IRAK2: variants seen among roughly 807,000 people sequenced by gnomAD.
IRAK2 encodes the protein interleukin 1 receptor associated kinase 2.
IRAK2 carries 57 observed loss-of-function variants against 72.0 expected under a neutral mutation model. The observed-to-expected ratio is 0.79, with a 90% confidence interval of 0.64 to 0.99. The LOEUF is 0.99. IRAK2 is among the 50% of genes least tolerant of loss of function. The probability of loss-of-function intolerance (pLI) is 0.00; values close to 1 mark genes in which losing one functional copy is unlikely to be tolerated. For synonymous variants in IRAK2, 293 were observed against 312.7 expected, an observed-to-expected ratio of 0.94 and a Z score of 0.67; for missense variants, 790 against 794.4, an observed-to-expected ratio of 0.99 and a Z score of 0.07.
intron 2 of IRAK2, among the ~76,000 whole-genome samples, chr3:10,190,723 G>A (rs1697161899): frequency 6.6e-6 from 1 of 152,110 alleles, no homozygotes; most frequent in Non-Finnish European, 1.5e-5. Flanking sequence ...GCAAGTTTTG[G>A]ACACATACTC....
At chr3:10,223,203 C>A (rs777268771) in intron 9 of IRAK2, among the ~76,000 whole-genome samples, 2 of 152,172 alleles carry the variant, frequency 1.3e-5, no homozygotes, top group Non-Finnish European at 2.9e-5. Context: ...CCTCTCCTGA[C>A]TTCCGTAATT....
chr3:10,208,153 C>T (rs1182065224), intron 3 of IRAK2, among the ~76,000 whole-genome samples: 4 of 151,694 alleles, frequency 2.6e-5, no homozygotes, highest in Non-Finnish European at 5.9e-5. Context: ...GGCTGGTCCG[C>T]ACAGAAGCAG....
intron 1 of IRAK2, among the ~76,000 whole-genome samples, chr3:10,176,068 T>G (rs917136007): frequency 8.6e-5 from 11 of 127,560 alleles, no homozygotes; most frequent in African/African-American, 4.2e-4. Context: ...TGTCCATGTT[T>G]TTTTTTTTTT....
At chr3:10,186,934 G>C (rs371504687) in intron 2 of IRAK2, among the ~76,000 whole-genome samples, 1 of 150,450 alleles carries the variant, frequency 6.6e-6, no homozygotes, top group Non-Finnish European at 1.5e-5. Context: ...CAAGTAGCTA[G>C]GACTATAAGT....
intron 4 of IRAK2, among the ~76,000 whole-genome samples, chr3:10,211,299 G>A (rs1328972571): frequency 1.3e-5 from 2 of 149,552 alleles, no homozygotes; most frequent in Admixed American, 6.7e-5. Context: ...GTGCCACCAC[G>A]CCTGGCTAAT....
At chr3:10,241,801 C>CAAA (rs4019566) in intron 12 of IRAK2, among the ~76,000 whole-genome samples, 19 of 83,140 alleles carry the variant, frequency 2.3e-4, no homozygotes, top group South Asian at 4.4e-4. Context: ...GACTCCATCT[C>CAAA]AAAAAAAAAA....
Position 10,238,675 on chromosome 3 carries a change from G to A in IRAK2, c.1474-73G>A. 2.8e-6 allele frequency: 4 copies of A among 1,443,964 alleles called. No homozygotes were observed. The East Asian group carries it at 6.8e-5, about 25-fold the overall frequency. The allele number at this position is 1,443,964 out of a possible 1,614,324, so 89.4% of individuals were successfully genotyped here. A position where few individuals can be genotyped will look rare whatever the true frequency, so the allele number is the denominator to read the frequency against. ...GTCTGCTCCCCGCCCCCTCTCTGCTGGGAGGCCAGATGTTAGCATTTCTAT... is the reference window on the plus strand; with the variant it reads ...GTCTGCTCCCCGCCCCCTCTCTGCTAGGAGGCCAGATGTTAGCATTTCTAT... On this transcript the variant is annotated intron_variant, in intron 11 of 12. Coordinates refer to ENST00000256458, the MANE Select transcript of IRAK2 (RefSeq NM_001570.4).
At chr3:10,183,633 G>C (rs1426373371) in intron 2 of IRAK2, among the ~76,000 whole-genome samples, 4 of 152,254 alleles carry the variant, frequency 2.6e-5, no homozygotes, top group Admixed American at 2.6e-4. Context: ...AGGCAGGAGA[G>C]TGGTGGGAAC....
chr3:10,182,978 G>A (rs1223901834), intron 2 of IRAK2, among the ~76,000 whole-genome samples: 1 of 151,908 alleles, frequency 6.6e-6, no homozygotes, highest in Admixed American at 6.6e-5. Context: ...CACCATGTTG[G>A]CCAGGCTATT....
chr3:10,200,467 G>A lies in IRAK2; in HGVS notation c.376G>A (p.Glu126Lys). The change falls in exon 3 of 13, where the codon GAA (glutamate) becomes AAA (lysine). Residue 126 changes from glutamate to lysine, a missense_variant. Transcript: ENST00000256458. ...AGCTTCTGTAAGAAAGGCTGAGGAT[G>A]AACAGGAAGAGGGGCAGCCTGTGAG... ...LAASVRKAED[E>K]QEEGQPVRMA... 3 of 1,606,064 alleles carry A rather than the reference G, an allele frequency of 1.9e-6. No individual in the cohort carries two copies. Among genetic ancestry groups the A allele is most frequent in the Non-Finnish European group, 2.6e-6 (3 of 1,173,686 alleles).
chr3:10,236,342 G>GTTTTTTTT (rs34423993), intron 11 of IRAK2, among the ~76,000 whole-genome samples: 25 of 99,664 alleles, frequency 2.5e-4, no homozygotes, highest in African/African-American at 8.5e-4. Flanking sequence ...AGCCACTAAG[G>GTTTTTTTT]TTTTTTTTTT....
At chr3:10,234,432 A>G (rs1697916074) in intron 10 of IRAK2, 27 bp from the exon 11 acceptor site, 3 of 1,602,352 alleles carry the variant, frequency 1.9e-6, no homozygotes, top group Non-Finnish European at 2.6e-6. Flanking sequence ...AGCTCACGCA[A>G]GGGCGTTTCT....
At chr3:10,172,411 G>T (rs559177157) in intron 1 of IRAK2, among the ~76,000 whole-genome samples, 5 of 151,604 alleles carry the variant, frequency 3.3e-5, no homozygotes, top group Admixed American at 1.3e-4. Flanking sequence ...GATGGCACTC[G>T]CCTGTAATCC....
intron 11 of IRAK2, 107 bp downstream of exon 11, chr3:10,234,766 C>A: frequency 1.0e-6 from 1 of 996,416 alleles, no homozygotes; most frequent in Non-Finnish European, 1.5e-6. Flanking sequence ...GTTGTGCTTG[C>A]TTGCAAGCCG....
chr3:10,224,118 C>G (rs141793111), intron 9 of IRAK2, among the ~76,000 whole-genome samples: 78 of 152,190 alleles, frequency 5.1e-4, no homozygotes, highest in Middle Eastern at 3.4e-3. Context: ...GGGCAGATCA[C>G]CTGAGGTCAG....
In IRAK2 at chr3:10,187,653, C is replaced by T. The variant is rs561776978; in HGVS notation, c.277+9633C>T. On this transcript the variant is annotated intron_variant, in intron 2 of 12. Coordinates refer to ENST00000256458, the MANE Select transcript of IRAK2 (RefSeq NM_001570.4). ...TGCCTTTGGAGATTTACAATGCATA[C>T]CAACTGTGAAGGCTCTGATACGTCC... Among the ~76,000 whole-genome samples, 4 of 152,322 alleles carry T rather than the reference C, an allele frequency of 2.6e-5. No homozygotes were observed. In the East Asian group the frequency reaches 5.8e-4, roughly 22 times the overall value.
Position 10,165,449 on chromosome 3 carries a change from G to C in IRAK2, c.94+401G>C, listed in dbSNP as rs202036092. ...CTTGGGGGGGTGTGTGTGTGTGTGT[G>C]TGTGGTGTGTTTAGTTTTAGTGTAT... On this transcript the variant is annotated intron_variant, in intron 1 of 12. Transcript: ENST00000256458. Among the ~76,000 whole-genome samples, 32 of 152,244 alleles carry C rather than the reference G, an allele frequency of 2.1e-4. No homozygotes were observed. In the East Asian group the frequency reaches 5.6e-3, roughly 27 times the overall value.
At chr3:10,229,592 T>C (rs1171877315) in intron 10 of IRAK2, among the ~76,000 whole-genome samples, 1 of 152,236 alleles carries the variant, frequency 6.6e-6, no homozygotes, top group African/African-American at 2.4e-5. Flanking sequence ...CCATGGCAGA[T>C]GCACCCATTT....
rs989382344 is a variant in IRAK2 at position 10,178,095 on chromosome 3, C to G, written c.277+75C>G. 21 of 1,194,628 alleles carry G rather than the reference C, an allele frequency of 1.8e-5. No individual in the cohort carries two copies. The Admixed American group carries it at 2.8e-4, about 16-fold the overall frequency. The allele number at this position is 1,194,628 out of a possible 1,614,324, so 74.0% of individuals were successfully genotyped here. ...AGTTTCCATCCGTGTGAGTTGCACTCTCTGGCCTTAATACTTTTTTCCTCT... is the reference window on the plus strand; with the variant it reads ...AGTTTCCATCCGTGTGAGTTGCACTGTCTGGCCTTAATACTTTTTTCCTCT... On this transcript the variant is annotated intron_variant, in intron 2 of 12. Transcript: ENST00000256458.
Sources: allele counts gnomAD v4.1 joint callset (sites outside exome capture counted in the v4.1 genomes callset), GRCh38; gene constraint gnomAD v4.1.1; transcripts MANE v1.5; gene names NCBI Gene and HGNC (gene_info 2026-07-23, HGNC 2026-07-21).